Variants in SAXO4 observed in about 807,000 individuals in gnomAD.
SAXO4 encodes stabilizer of axonemal microtubules 4.
At chr11:61,484,602 C>T in the SAXO4 span, 2 of 1,544,230 alleles carry the variant, frequency 1.3e-6, no homozygotes, top group Non-Finnish European at 1.8e-6. Flanking sequence ...TCTGCAGATA[C>T]TGCGCTCTGT....
chr11:61,487,086 C>T, the SAXO4 span: 1 of 1,611,920 alleles, frequency 6.2e-7, no homozygotes, highest in Non-Finnish European at 8.5e-7. Context: ...ACCTAGCCTC[C>T]ACCCCCAAAT....
At chr11:61,481,142 C>T in the SAXO4 span, 1 of 152,236 alleles carries the variant, frequency 6.6e-6, no homozygotes, top group Non-Finnish European at 1.5e-5. Flanking sequence ...TGGCCTCCTC[C>T]AGGAGGGCTG....
At chr11:61,482,203 C>T in the SAXO4 span, 1 of 997,464 alleles carries the variant, frequency 1.0e-6, no homozygotes, top group Non-Finnish European at 1.6e-6. Context: ...GCTCTGAGCC[C>T]TCCCCTGTCA....
the SAXO4 span, chr11:61,482,589 G>A: frequency 6.2e-7 from 1 of 1,610,508 alleles, no homozygotes; most frequent in Non-Finnish European, 8.5e-7. Flanking sequence ...GTGCAGGGAG[G>A]AGGGAAGCTC....
the SAXO4 span, chr11:61,490,509 C>T: frequency 6.2e-7 from 1 of 1,614,134 alleles, no homozygotes; most frequent in Non-Finnish European, 8.5e-7. Flanking sequence ...AGAACCCTGA[C>T]CTCAGCTGAC....
chr11:61,485,509 A>C, the SAXO4 span: 6 of 1,011,784 alleles, frequency 5.9e-6, no homozygotes, highest in South Asian at 9.2e-5. Context: ...GCACCAGTGG[A>C]AGAAAGAAGG....
the SAXO4 span, chr11:61,486,926 C>T: frequency 1.1e-5 from 18 of 1,605,598 alleles, no homozygotes; most frequent in South Asian, 2.0e-4. Flanking sequence ...AGCCTCCCTT[C>T]TGGTGGTTCT....
At chr11:61,486,776 G>T in the SAXO4 span, among the ~76,000 whole-genome samples, 2 of 152,274 alleles carry the variant, frequency 1.3e-5, no homozygotes, top group East Asian at 3.9e-4. Context: ...CTTCCTGGGG[G>T]CTGGAAGATG....
At chr11:61,488,906 G>C in the SAXO4 span, 1 of 152,330 alleles carries the variant, frequency 6.6e-6, no homozygotes, top group African/African-American at 2.4e-5. Context: ...AAAGAGAAAG[G>C]GATCGCGAGG....
the SAXO4 span, among the ~76,000 whole-genome samples, chr11:61,483,248 C>A: frequency 6.7e-6 from 1 of 149,308 alleles, no homozygotes; most frequent in Non-Finnish European, 1.5e-5. Flanking sequence ...CTCACTGCAA[C>A]CTCCACCTCC....
chr11:61,490,470 C>A, the SAXO4 span: 2 of 1,597,736 alleles, frequency 1.3e-6, no homozygotes, highest in Non-Finnish European at 1.7e-6. Context: ...CCTGCCAACA[C>A]CCCCAACACT....
chr11:61,490,391 G>A, the SAXO4 span: 2 of 995,786 alleles, frequency 2.0e-6, no homozygotes, highest in Non-Finnish European at 3.2e-6. Context: ...TGGCTGCCCT[G>A]GCTGAACCCT....
At chr11:61,485,833 G>A in the SAXO4 span, 58 of 1,613,924 alleles carry the variant, frequency 3.6e-5, no homozygotes, top group Non-Finnish European at 4.8e-5. Flanking sequence ...GCGCAAAGGA[G>A]GGGAGTGGCT....
At chr11:61,483,158 CTTTTTCTTTTTT>C in the SAXO4 span, among the ~76,000 whole-genome samples, 1 of 145,912 alleles carries the variant, frequency 6.9e-6, no homozygotes, top group East Asian at 2.0e-4. Context: ...TTTTTCATTT[CTTTTTCTTTTTT>C]TTTTTTTTTT....
chr11:61,484,594 T>C, the SAXO4 span: 1 of 1,512,832 alleles, frequency 6.6e-7, no homozygotes, highest in African/African-American at 1.4e-5. Context: ...CTGGCTGCTC[T>C]GCAGATACTG....
chr11:61,490,002 C>G, the SAXO4 span: 1 of 1,514,794 alleles, frequency 6.6e-7, no homozygotes, highest in Non-Finnish European at 9.0e-7. Context: ...GGCCGTGTGC[C>G]AGGCCTTTCC....
the SAXO4 span, chr11:61,490,436 CAAG>C: frequency 6.9e-7 from 1 of 1,439,650 alleles, no homozygotes; most frequent in Non-Finnish European, 9.8e-7. Context: ...AGGCAGAAGA[CAAG>C]AAGACAAGGT....
the SAXO4 span, chr11:61,485,263 C>T: frequency 7.6e-7 from 1 of 1,323,102 alleles, no homozygotes; most frequent in Admixed American, 1.7e-5. Context: ...AACCGAGGCG[C>T]CACTCCACCG....
the SAXO4 span, among the ~76,000 whole-genome samples, chr11:61,485,012 C>T: frequency 1.2e-3 from 187 of 152,324 alleles, no homozygotes; most frequent in Non-Finnish European, 2.1e-3. Context: ...TGGCTTCTCG[C>T]GATTTAACGC....
Sources: gnomAD v4.1 joint callset for allele counts (sites outside exome capture counted in the v4.1 genomes callset) on GRCh38, gnomAD v4.1.1 for gene constraint, MANE v1.5 for transcripts, NCBI Gene and HGNC (gene_info 2026-07-23, HGNC 2026-07-21) for gene names.